The following VAV3 variants were observed in gnomAD, a reference collection of about 807,000 sequenced individuals.
The protein encoded by VAV3 is vav guanine nucleotide exchange factor 3.
VAV3 carries 94 observed loss-of-function variants against 131.2 expected under a neutral mutation model. The ratio of observed to expected loss-of-function variants is 0.72; its 90% CI spans 0.61 to 0.85. The LOEUF is 0.85. Ranked by LOEUF, VAV3 falls within the 40% of genes least tolerant of loss-of-function variation. VAV3 has a pLI of 0.00. For synonymous variants in VAV3, 349 were observed against 342.0 expected, an observed-to-expected ratio of 1.02 and a Z score of -0.22; for missense variants, 939 against 1,002.7, an observed-to-expected ratio of 0.94 and a Z score of 0.86.
chr1:107,657,444 TC>T (rs1656654003), intron 19 of VAV3, among the ~76,000 whole-genome samples: 1 of 152,222 alleles, frequency 6.6e-6, no homozygotes, highest in African/African-American at 2.4e-5. Context: ...CTCTTAATTT[TC>T]CCTTTCTGGC....
At chr1:107,895,530 A>G (rs1472128509) in intron 1 of VAV3, among the ~76,000 whole-genome samples, 2 of 152,176 alleles carry the variant, frequency 1.3e-5, no homozygotes, top group African/African-American at 2.4e-5. Context: ...TAGTTGCCCA[A>G]TGTCATACAG....
At chr1:107,798,179 C>T (rs546122159) in intron 2 of VAV3, among the ~76,000 whole-genome samples, 4 of 152,238 alleles carry the variant, frequency 2.6e-5, no homozygotes, top group South Asian at 2.1e-4. Flanking sequence ...AAAATTCTAA[C>T]GAGGCTGAAT....
chr1:107,704,808 AGG>A (rs1660342897), intron 16 of VAV3, 150 bp downstream of exon 16: 2 of 998,054 alleles, frequency 2.0e-6, no homozygotes. Flanking sequence ...AGGACTGTCC[AGG>A]CAGAAAGCCT....
intron 24 of VAV3, among the ~76,000 whole-genome samples, chr1:107,600,446 C>T (rs775768924): frequency 4.6e-5 from 7 of 152,232 alleles, no homozygotes; most frequent in East Asian, 1.9e-4. Flanking sequence ...CGCTGTGATA[C>T]GTGCTTCCTT....
chr1:107,861,756 C>T (rs1208892882), intron 2 of VAV3, among the ~76,000 whole-genome samples: 1 of 151,530 alleles, frequency 6.6e-6, no homozygotes, highest in African/African-American at 2.4e-5. Flanking sequence ...AATGATTCAG[C>T]ACACAATCTA....
At chr1:107,951,687 G>A (rs1674540108) in intron 1 of VAV3, among the ~76,000 whole-genome samples, 1 of 151,748 alleles carries the variant, frequency 6.6e-6, no homozygotes, top group African/African-American at 2.4e-5. Flanking sequence ...CTCAAAAGAA[G>A]ACATACATGC....
chr1:107,666,572 C>CTTTT (rs561256376), intron 19 of VAV3, among the ~76,000 whole-genome samples: 1 of 138,276 alleles, frequency 7.2e-6, no homozygotes, highest in African/African-American at 2.7e-5. Context: ...TCATTTGAGA[C>CTTTT]TTTTTTTTTT....
In VAV3 at chr1:107,887,541, G is replaced by A. The variant is rs138606986; in HGVS notation, c.205-12524C>T. 4.2e-3 allele frequency among the ~76,000 whole-genome samples: 636 copies of A among 152,122 alleles called. 5 individuals carry two copies. Among genetic ancestry groups the A allele is most frequent in the African/African-American group, 0.014 (591 of 41,478 alleles). On this transcript the variant is annotated intron_variant, in intron 1 of 26. Transcript: ENST00000370056. ...TCCACTATTTTGTCCTTCTATCTCC[G>A]TGATAAATGTCCCCAGAATACCCAT...
chr1:107,836,805 A>C (rs1341300890), intron 2 of VAV3, among the ~76,000 whole-genome samples: 1 of 152,198 alleles, frequency 6.6e-6, no homozygotes. Flanking sequence ...CAAATTAGAA[A>C]AGCTAGAGGA....
chr1:107,934,301 T>G (rs1424176323), intron 1 of VAV3, among the ~76,000 whole-genome samples: 2 of 152,206 alleles, frequency 1.3e-5, no homozygotes, highest in African/African-American at 4.8e-5. Flanking sequence ...CAGATGCACC[T>G]CTACTTAGAA....
At chr1:107,596,615 A>G (rs1651413445) in intron 24 of VAV3, among the ~76,000 whole-genome samples, 1 of 152,210 alleles carries the variant, frequency 6.6e-6, no homozygotes, top group South Asian at 2.1e-4. Context: ...AGTCAGATGT[A>G]GCAAATGAAA....
intron 4 of VAV3, among the ~76,000 whole-genome samples, chr1:107,775,757 G>C (rs1274807252): frequency 6.6e-6 from 1 of 152,034 alleles, no homozygotes; most frequent in African/African-American, 2.4e-5. Context: ...GAGATTTTAA[G>C]AGATAAGAAA....
At chr1:107,613,755 C>T (rs891724901) in intron 21 of VAV3, among the ~76,000 whole-genome samples, 1 of 152,012 alleles carries the variant, frequency 6.6e-6, no homozygotes, top group African/African-American at 2.4e-5. Flanking sequence ...TTGCCTAGGA[C>T]TTTATGTTAA....
intron 17 of VAV3, among the ~76,000 whole-genome samples, chr1:107,699,871 T>C (rs1459082438): frequency 6.6e-6 from 1 of 151,910 alleles, no homozygotes; most frequent in African/African-American, 2.4e-5. Flanking sequence ...GGTCAATGGA[T>C]GGAAAATTAG....
At chr1:107,587,791 C>T (rs755758027) in intron 25 of VAV3, among the ~76,000 whole-genome samples, 29 of 152,102 alleles carry the variant, frequency 1.9e-4, no homozygotes, top group Non-Finnish European at 2.8e-4. Context: ...GGGGTTTCAC[C>T]ACGTTGGCCA....
At chr1:107,659,709 A>C (rs948855523) in intron 19 of VAV3, among the ~76,000 whole-genome samples, 6 of 152,200 alleles carry the variant, frequency 3.9e-5, no homozygotes, top group African/African-American at 1.4e-4. Context: ...TATTATGTAT[A>C]GTATTAAGGA....
intron 1 of VAV3, among the ~76,000 whole-genome samples, chr1:107,916,691 T>C (rs568767642): frequency 7.2e-5 from 11 of 152,308 alleles, no homozygotes; most frequent in African/African-American, 2.4e-4. Context: ...TCTGGGATGG[T>C]TGGAGTGTCT....
At chr1:107,782,012 G>C (rs1665717533) in intron 2 of VAV3, among the ~76,000 whole-genome samples, 1 of 152,162 alleles carries the variant, frequency 6.6e-6, no homozygotes, top group African/African-American at 2.4e-5. Context: ...ACAGTATCCA[G>C]ACCCTTGAAT....
At chr1:107,872,007 C>T (rs528934417) in intron 2 of VAV3, among the ~76,000 whole-genome samples, 3 of 152,230 alleles carry the variant, frequency 2.0e-5, no homozygotes, top group East Asian at 3.9e-4. Context: ...AACACATCAC[C>T]TGTGTTTTTT....
Sources: gnomAD v4.1 joint callset for allele counts (sites outside exome capture counted in the v4.1 genomes callset) on GRCh38, gnomAD v4.1.1 for gene constraint, MANE v1.5 for transcripts, NCBI Gene and HGNC (gene_info 2026-07-23, HGNC 2026-07-21) for gene names.